BCAS1: variants seen among roughly 807,000 people sequenced by gnomAD.
BCAS1 encodes breast carcinoma-amplified sequence 1.
A neutral mutation model predicts 65.4 loss-of-function variants in BCAS1; 46 were observed. The observed-to-expected ratio is 0.70, with a 90% CI of 0.55 to 0.90. The LOEUF is 0.90. Among genes scored for constraint, BCAS1 ranks in the 40% least tolerant of loss-of-function variants. The pLI is 0.00. For missense variants in BCAS1, 793 were observed against 771.2 expected (o/e 1.03, Z -0.33); for synonymous variants, 298 against 293.5 (o/e 1.02, Z -0.16).
At chr20:54,052,609 C>T (rs1000156683) in intron 3 of BCAS1, among the ~76,000 whole-genome samples, 5 of 152,130 alleles carry the variant, frequency 3.3e-5, no homozygotes, top group East Asian at 3.9e-4. Context: ...ACTTTATAAA[C>T]GGACTTGAGG....
At chr20:54,008,277 C>G (rs539771533) in intron 4 of BCAS1, among the ~76,000 whole-genome samples, 2 of 152,322 alleles carry the variant, frequency 1.3e-5, no homozygotes, top group South Asian at 4.2e-4. Flanking sequence ...GATTCTCATC[C>G]TCACCGGTTG....
At chr20:54,046,528 C>CAAA (rs71196442) in intron 3 of BCAS1, among the ~76,000 whole-genome samples, 9,363 of 53,952 alleles carry the variant, frequency 0.17, 671 homozygotes, top group East Asian at 0.35. Flanking sequence ...GACTCCATCT[C>CAAA]AAAAAAAAAA....
chr20:53,993,461 A>C (rs1340670244), intron 6 of BCAS1, among the ~76,000 whole-genome samples: 1 of 152,204 alleles, frequency 6.6e-6, no homozygotes, highest in East Asian at 1.9e-4. Context: ...TACATTCACA[A>C]AACCCGCTTT....
chr20:54,041,908 C>CAAAAAAAA (rs1391284796), intron 3 of BCAS1, among the ~76,000 whole-genome samples: 825 of 67,146 alleles, frequency 0.012, 168 homozygotes, highest in Middle Eastern at 0.022. Context: ...TCTGTCTCCC[C>CAAAAAAAA]CAAAAAAAAA....
intron 7 of BCAS1, among the ~76,000 whole-genome samples, chr20:53,992,214 C>T (rs2090778560): frequency 6.6e-6 from 1 of 152,038 alleles, no homozygotes; most frequent in African/African-American, 2.4e-5. Context: ...AATAATAGTA[C>T]ATCTAACAAA....
intron 3 of BCAS1, among the ~76,000 whole-genome samples, chr20:54,035,825 C>T (rs540962731): frequency 6.6e-6 from 1 of 151,304 alleles, no homozygotes; most frequent in African/African-American, 2.4e-5. Flanking sequence ...CAATGATAGC[C>T]TGGATAAAGA....
At chr20:53,949,498 C>T (rs1463011564) in intron 12 of BCAS1, among the ~76,000 whole-genome samples, 1 of 152,224 alleles carries the variant, frequency 6.6e-6, no homozygotes, top group East Asian at 1.9e-4. Flanking sequence ...GGGTAACAGG[C>T]ACCACAATAG....
intron 10 of BCAS1, among the ~76,000 whole-genome samples, chr20:53,964,170 A>G (rs539818240): frequency 1.6e-4 from 24 of 152,244 alleles, no homozygotes; most frequent in Non-Finnish European, 2.8e-4. Context: ...AGTATGATAA[A>G]TCCAGACAAT....
At chr20:54,018,653 A>G (rs2091492981) in intron 4 of BCAS1, among the ~76,000 whole-genome samples, 2 of 152,042 alleles carry the variant, frequency 1.3e-5, no homozygotes, top group African/African-American at 2.4e-5. Flanking sequence ...CCTTTTATAT[A>G]TTGCTTAACA....
chr20:53,954,336 G>GAGAGAGAGAGAGAGAGAGA lies in BCAS1; in HGVS notation c.1552-642_1552-641insTCTCTCTCTCTCTCTCTCT. Among the ~76,000 whole-genome samples the GAGAGAGAGAGAGAGAGAGA allele has an allele frequency of 7.3e-4, 61 of 84,004 alleles. 1 individual carries two copies. The highest frequency in any genetic ancestry group is 8.2e-3 in the Middle Eastern group (1 of 122). 55.1% of individuals were successfully genotyped at this position (84,004 alleles called of 152,430 possible). A position where few individuals can be genotyped will look rare whatever the true frequency, so the allele number is the denominator to read the frequency against. ...GAGAGAGAGAGAGAGAGAGAGAGAG[G>GAGAGAGAGAGAGAGAGAGA]GACCAGGCATTGATGGTATCATGCG... On this transcript the variant is annotated intron_variant, in intron 11 of 12. Transcript: ENST00000688948.
rs140270602 is a variant in BCAS1, at chr20:54,055,893, A to G, written c.142+2192T>C. 5.9e-5 allele frequency among the ~76,000 whole-genome samples: 9 copies of G among 152,330 alleles called. No individual in the cohort carries two copies. In the East Asian group the frequency reaches 1.7e-3, roughly 29 times the overall value. Reference sequence around the variant, plus strand: ...AGGAAATATTGGCATTTGAAACAACATGGATGAACCTGGAGGACTTTAGGA... The same window carrying G: ...AGGAAATATTGGCATTTGAAACAACGTGGATGAACCTGGAGGACTTTAGGA... On this transcript the variant is annotated intron_variant, in intron 3 of 12. Transcript: ENST00000688948.
chr20:53,949,371 CAGTT>C (rs968215752), intron 12 of BCAS1, among the ~76,000 whole-genome samples: 94 of 95,446 alleles, frequency 9.8e-4, no homozygotes, highest in African/African-American at 2.9e-3. Flanking sequence ...GGGTTGCTCT[CAGTT>C]AGAACTCAAG....
At chr20:54,018,376 A>G (rs2091484147) in intron 4 of BCAS1, among the ~76,000 whole-genome samples, 1 of 151,196 alleles carries the variant, frequency 6.6e-6, no homozygotes, top group Non-Finnish European at 1.5e-5. Context: ...TATTTGTTGC[A>G]TGAATAAATG....
In BCAS1 at chr20:53,953,643, C is replaced by T. The variant is rs935908985; in HGVS notation, c.1604G>A (p.Gly535Glu). Residue 535 changes from glycine to glutamate, a missense_variant, in exon 12 of 13, where the codon GGA (glycine) becomes GAA (glutamate). Transcript: ENST00000688948. ...TITPPEPEPT[G>E]APQKGKEGSS... is the part of the protein sequence containing the mutation. ...GCCCTCTTTACCCTTCTGTGGTGCT[C>T]CTGTTGGTTCAGGCTCTGGCGGTGT... The T allele has an allele frequency of 1.1e-5, 17 of 1,613,876 alleles. No individual in the cohort carries two copies. Among genetic ancestry groups the T allele is most frequent in the Non-Finnish European group, 1.4e-5 (17 of 1,179,982 alleles).
chr20:54,054,186 C>T (rs2092261731), intron 3 of BCAS1, among the ~76,000 whole-genome samples: 1 of 152,110 alleles, frequency 6.6e-6, no homozygotes, highest in African/African-American at 2.4e-5. Context: ...CTACTGGGTC[C>T]CTCCCATGAC....
chr20:53,953,844 TAAAATGTGCACTTATG>T, intron 11 of BCAS1, 149 bp from the exon 12 acceptor site: 1 of 952,780 alleles, frequency 1.0e-6, no homozygotes, highest in Non-Finnish European at 1.5e-6. Context: ...TAAAAAAAGG[TAAAATGTGCACTTATG>T]AAGTCATGGT....
intron 3 of BCAS1, among the ~76,000 whole-genome samples, chr20:54,046,008 T>C (rs2092097146): frequency 6.6e-6 from 1 of 151,802 alleles, no homozygotes; most frequent in Non-Finnish European, 1.5e-5. Context: ...AAGAAGCCAA[T>C]AAGAAAAAGA....
intron 3 of BCAS1, among the ~76,000 whole-genome samples, chr20:54,043,672 G>T (rs1171761969): frequency 6.6e-6 from 1 of 152,100 alleles, no homozygotes; most frequent in Non-Finnish European, 1.5e-5. Context: ...AAGAATACCC[G>T]GGAGGGGTTG....
At chr20:54,016,494 T>G (rs2091441972) in intron 4 of BCAS1, among the ~76,000 whole-genome samples, 1 of 152,240 alleles carries the variant, frequency 6.6e-6, no homozygotes, top group Non-Finnish European at 1.5e-5. Context: ...CTAGCTAGTT[T>G]GAAATGTACA....
Sources: allele counts gnomAD v4.1 joint callset (sites outside exome capture counted in the v4.1 genomes callset), GRCh38; gene constraint gnomAD v4.1.1; transcripts MANE v1.5; gene names NCBI Gene and HGNC (gene_info 2026-07-23, HGNC 2026-07-21).